Variants in DPCD observed in about 807,000 individuals in gnomAD.
DPCD encodes deleted in primary ciliary dyskinesia homolog (mouse).
In DPCD, 20 loss-of-function variants were observed where a neutral mutation model predicts 26.4. The observed-to-expected ratio is 0.76, with a 90% CI of 0.53 to 1.10. The LOEUF (loss-of-function observed/expected upper bound fraction) is 1.10. Ranked by LOEUF, DPCD falls within the 50% of genes least tolerant of loss-of-function variation. The pLI is 0.00. For synonymous variants in DPCD, 97 were observed against 94.2 expected (o/e 1.03, Z -0.17); for missense variants, 202 against 253.9 (o/e 0.80, Z 1.39).
Position 101,600,624 on chromosome 10 carries a change from CT to C in DPCD, c.146-112del. ...AAAGGCCCAACACTCCCACTTTCAT[CT>C]TGTGCTAGTTACCTAGTGTGGTGCC... On this transcript the variant is annotated intron_variant, in intron 2 of 5. Coordinates refer to ENST00000370151, the MANE Select transcript of DPCD (RefSeq NM_015448.3). The surrounding 1 kb of genome is among the most constrained non-coding windows in gnomAD (Gnocchi z 4.7). 6.9e-7 allele frequency: 1 copy of C among 1,455,980 alleles called. No homozygotes were observed. The highest frequency in any genetic ancestry group is 1.4e-5 in the South Asian group (1 of 69,858). The allele number at this position is 1,455,980 out of a possible 1,614,324, so 90.2% of individuals were successfully genotyped here. A position where few individuals can be genotyped will look rare whatever the true frequency, so the allele number is the denominator to read the frequency against.
At chr10:101,606,108 T>C (rs998641884) in intron 4 of DPCD, among the ~76,000 whole-genome samples, 1 of 152,214 alleles carries the variant, frequency 6.6e-6, no homozygotes, top group Admixed American at 6.5e-5. Flanking sequence ...ACTATCCTGC[T>C]GTAAGGGTTC....
intron 4 of DPCD, among the ~76,000 whole-genome samples, chr10:101,606,794 C>T (rs762523032): frequency 3.3e-5 from 5 of 152,168 alleles, no homozygotes; most frequent in Non-Finnish European, 7.3e-5. Flanking sequence ...CAGTACCTAT[C>T]ATGGAAAAAC....
intron 1 of DPCD, among the ~76,000 whole-genome samples, chr10:101,593,586 TTTC>T (rs561946646): frequency 7.0e-4 from 107 of 152,024 alleles, no homozygotes; most frequent in East Asian, 3.3e-3. Flanking sequence ...ACTCCCTTAG[TTTC>T]TTCTTCTTCT....
chr10:101,604,232 T>C (rs148228277), intron 4 of DPCD, among the ~76,000 whole-genome samples: 2 of 152,368 alleles, frequency 1.3e-5, no homozygotes, highest in Non-Finnish European at 2.9e-5. Flanking sequence ...TCTTGTGTTA[T>C]AGATGATTAT....
chr10:101,593,594 T>C (rs546069382), intron 1 of DPCD, among the ~76,000 whole-genome samples: 1 of 151,948 alleles, frequency 6.6e-6, no homozygotes, highest in South Asian at 2.1e-4. Context: ...AGTTTCTTCT[T>C]CTTCTTTTTT....
chr10:101,608,855 T>C lies in DPCD; in HGVS notation c.425T>C (p.Ile142Thr). The change falls in exon 5 of 6, where the codon ATT becomes ACT. Residue 142 changes from isoleucine to threonine, a missense_variant. Physicochemically the swap from Ile to Thr is moderately conservative, Grantham distance 89. Coordinates refer to ENST00000370151, the MANE Select transcript of DPCD (RefSeq NM_015448.3). The stretch of plus-strand genomic sequence containing the variant: ...CACAGGTACTACAAGAAGTTCTCCA[T>C]TCCTGATCTAGATAGACACCAGCTA... ...TNKKYYKKFSIPDLDRHQLPL... is the reference protein window; with the variant it reads ...TNKKYYKKFSTPDLDRHQLPL... 1 of 1,613,450 alleles carries C rather than the reference T, an allele frequency of 6.2e-7. No homozygotes were observed. The highest frequency in any genetic ancestry group is 8.5e-7 in the Non-Finnish European group (1 of 1,179,674).
intron 1 of DPCD, chr10:101,588,720 A>T: frequency 1.0e-6 from 1 of 962,636 alleles, no homozygotes; most frequent in Non-Finnish European, 1.2e-6. Context: ...CCCGTTTTAC[A>T]GAAGAGGAAA....
chr10:101,600,785 C>T lies in DPCD; in HGVS notation c.193C>T (p.Gln65Ter). Residue 65 changes from glutamine to a stop codon, truncating the protein, a stop_gained, in exon 3 of 6, where the codon CAG (glutamine) becomes TAG (stop). Transcript: ENST00000370151. LOFTEE classifies it high-confidence loss of function. The surrounding 1 kb of genome is among the most constrained non-coding windows in gnomAD (Gnocchi z 4.7). ...TGCCCTGGGAGCCATGGGCCAGTGG[C>T]AGCTTGAAGTAGGAGACCCAGCGCC... ...KSALGAMGQW[Q>*]LEVGDPAPLG... The T allele has an allele frequency of 6.2e-7, 1 of 1,613,984 alleles. No individual in the cohort carries two copies. The highest frequency in any genetic ancestry group is 1.1e-5 in the South Asian group (1 of 91,064).
chr10:101,606,204 CAGGCTGG>C (rs2063731836), intron 4 of DPCD, among the ~76,000 whole-genome samples: 1 of 152,202 alleles, frequency 6.6e-6, no homozygotes, highest in Admixed American at 6.5e-5. Context: ...CTCTGTTGCC[CAGGCTGG>C]AGTGCAGTGG....
chr10:101,600,586 C>A lies in DPCD; in HGVS notation c.146-152C>A. On this transcript the variant is annotated intron_variant, in intron 2 of 5. Coordinates refer to ENST00000370151, the MANE Select transcript of DPCD (RefSeq NM_015448.3). This position sits in a 1 kb window ranked among gnomAD's most constrained non-coding sequence, Gnocchi z 4.7. ...GTTGTGAGGTCCCTCCTTAGATTAACAAAGCTGAGAGTAAAGGCCCAACAC... is the reference window on the plus strand; with the variant it reads ...GTTGTGAGGTCCCTCCTTAGATTAAAAAAGCTGAGAGTAAAGGCCCAACAC... The A allele has an allele frequency of 8.2e-7, 1 of 1,216,940 alleles. No homozygotes were observed. Among genetic ancestry groups the A allele is most frequent in the Non-Finnish European group, 1.1e-6 (1 of 888,348 alleles). The allele number at this position is 1,216,940 out of a possible 1,614,324, so 75.4% of individuals were successfully genotyped here. A position where few individuals can be genotyped will look rare whatever the true frequency, so the allele number is the denominator to read the frequency against.
intron 1 of DPCD, among the ~76,000 whole-genome samples, chr10:101,589,227 A>G (rs1421194359): frequency 6.6e-6 from 1 of 152,256 alleles, no homozygotes; most frequent in Non-Finnish European, 1.5e-5. Context: ...TTCGTGCAAC[A>G]TTTAGGAAGA....
intron 2 of DPCD, among the ~76,000 whole-genome samples, chr10:101,599,041 G>A (rs1425412003): frequency 6.6e-6 from 1 of 152,230 alleles, no homozygotes; most frequent in Non-Finnish European, 1.5e-5. Context: ...ATGGTCCCAA[G>A]TGTTTATGTG....
At chr10:101,593,169 A>G (rs2134755598) in intron 1 of DPCD, among the ~76,000 whole-genome samples, 1 of 152,254 alleles carries the variant, frequency 6.6e-6, no homozygotes, top group East Asian at 1.9e-4. Flanking sequence ...AGGGGAGAAG[A>G]TGGTCAGGCA....
intron 4 of DPCD, among the ~76,000 whole-genome samples, chr10:101,604,062 G>A (rs2063717266): frequency 6.6e-6 from 1 of 152,196 alleles, no homozygotes; most frequent in South Asian, 2.1e-4. Flanking sequence ...AGACCAGGGT[G>A]GCCATTCTGG....
intron 4 of DPCD, 180 bp downstream of exon 4, chr10:101,601,516 G>A (rs1354339143): frequency 2.4e-5 from 4 of 163,570 alleles, no homozygotes; most frequent in African/African-American, 2.4e-5. Context: ...CAGCTCCATC[G>A]GGGAAGAGAA....
intron 2 of DPCD, among the ~76,000 whole-genome samples, chr10:101,596,152 T>C (rs780130359): frequency 6.6e-6 from 1 of 152,338 alleles, no homozygotes; most frequent in Non-Finnish European, 1.5e-5. Context: ...TGCCCTGATA[T>C]CCCTTATTAA....
chr10:101,595,359 C>G (rs1035435163), intron 2 of DPCD, among the ~76,000 whole-genome samples: 1 of 152,142 alleles, frequency 6.6e-6, no homozygotes, highest in African/African-American at 2.4e-5. Flanking sequence ...CCACTCTGTT[C>G]CCAGGTGTGC....
chr10:101,609,016 A>C (rs901557079), intron 5 of DPCD, 79 bp downstream of exon 5: 14 of 1,208,668 alleles, frequency 1.2e-5, no homozygotes, highest in Non-Finnish European at 1.6e-5. Flanking sequence ...ATCCCATAAG[A>C]GTCCTCAGTT....
At position 101,600,185 on chromosome 10, in the gene DPCD, C is replaced by T. The variant is rs916512325; in HGVS notation, c.146-553C>T. 5.9e-5 allele frequency among the ~76,000 whole-genome samples: 9 copies of T among 151,808 alleles called. No homozygotes were observed. Among genetic ancestry groups the T allele is most frequent in the Non-Finnish European group, 7.4e-5 (5 of 67,968 alleles). ...ATTTTGTTTAAATGCAGCTTTGGAGCGTTTTTTTGTTTTTGCTTTTTTCTT... is the reference window on the plus strand; with the variant it reads ...ATTTTGTTTAAATGCAGCTTTGGAGTGTTTTTTTGTTTTTGCTTTTTTCTT... On this transcript the variant is annotated intron_variant, in intron 2 of 5. Transcript: ENST00000370151. This position sits in a 1 kb window ranked among gnomAD's most constrained non-coding sequence, Gnocchi z 4.7.
Sources: allele counts gnomAD v4.1 joint callset (sites outside exome capture counted in the v4.1 genomes callset), GRCh38; gene constraint gnomAD v4.1.1; non-coding constraint Gnocchi (gnomAD v3.1); transcripts MANE v1.5; gene names NCBI Gene and HGNC (gene_info 2026-07-23, HGNC 2026-07-21).